CACNA1S: variants seen among roughly 807,000 people sequenced by gnomAD.
CACNA1S encodes calcium voltage-gated channel subunit alpha1 S.
CACNA1S carries 126 observed loss-of-function variants against 207.4 expected under a neutral mutation model. That is an observed-to-expected ratio of 0.61 (90% CI 0.53 to 0.70). CACNA1S has a LOEUF of 0.70. Ranked by LOEUF, CACNA1S falls within the 30% of genes least tolerant of loss-of-function variation. The pLI is 0.00. For missense variants in CACNA1S, 2,349 were observed against 2,422.8 expected, an observed-to-expected ratio of 0.97 and a Z score of 0.64; for synonymous variants, 960 against 932.7, an observed-to-expected ratio of 1.03 and a Z score of -0.53.
At chr1:201,057,215 A>G (rs373505433) in intron 28 of CACNA1S, among the ~76,000 whole-genome samples, 40 of 150,696 alleles carry the variant, frequency 2.7e-4, no homozygotes, top group African/African-American at 9.8e-4. Context: ...CATCTCCACC[A>G]CTCTCTCCTC....
At chr1:201,098,087 A>G (rs1662503739) in intron 2 of CACNA1S, among the ~76,000 whole-genome samples, 1 of 152,158 alleles carries the variant, frequency 6.6e-6, no homozygotes, top group Non-Finnish European at 1.5e-5. Flanking sequence ...GACTCGCTAT[A>G]TATTTGTTAA....
In CACNA1S at chr1:201,109,071, A is replaced by G. The variant is rs187822632; in HGVS notation, c.258+1093T>C. Reference sequence around the variant, plus strand: ...GAGGCCAGCCTGGCCAACATGGCGAAACCCCATCTCAACTAAAAATATGAA... The same window carrying G: ...GAGGCCAGCCTGGCCAACATGGCGAGACCCCATCTCAACTAAAAATATGAA... On this transcript the variant is annotated intron_variant, in intron 2 of 43. Coordinates refer to ENST00000362061, the MANE Select transcript of CACNA1S (RefSeq NM_000069.3). Among the ~76,000 whole-genome samples the G allele has an allele frequency of 2.6e-5, 4 of 152,296 alleles. No individual in the cohort carries two copies. The East Asian group carries it at 7.7e-4, about 29-fold the overall frequency.
In CACNA1S at chr1:201,061,431, C is replaced by G. The variant is rs777328046; in HGVS notation, c.3091G>C (p.Val1031Leu). The change falls in exon 25 of 44, where the codon GTG becomes CTG. Residue 1031 changes from valine to leucine, a missense_variant. Transcript: ENST00000362061. Reference protein sequence around the residue: ...YKAIDSNAEDVGPIYNNRVEM... With the variant: ...YKAIDSNAEDLGPIYNNRVEM... ...ACACGGTTGTTGTAGATGGGACCCA[C>G]GTCCTCCGCATTGGAGTCTATGGCC... The G allele has an allele frequency of 4.3e-6, 7 of 1,614,206 alleles. No homozygotes were observed.
chr1:201,047,362 C>T, intron 37 of CACNA1S, 123 bp from the exon 38 acceptor site: 4 of 1,399,792 alleles, frequency 2.9e-6, no homozygotes, highest in Non-Finnish European at 4.0e-6. Flanking sequence ...CTGACTTGGT[C>T]ACTGGGCACT....
chr1:201,078,303 C>A (rs1661708263), intron 10 of CACNA1S, among the ~76,000 whole-genome samples, 199 bp from the exon 11 acceptor site: 1 of 152,082 alleles, frequency 6.6e-6, no homozygotes, highest in Non-Finnish European at 1.5e-5. Context: ...CACACTGCAG[C>A]CTCGACTTCC....
intron 33 of CACNA1S, 81 bp downstream of exon 33, chr1:201,050,903 G>T (rs937912913): frequency 1.2e-4 from 167 of 1,448,288 alleles, no homozygotes; most frequent in Non-Finnish European, 1.4e-4. Flanking sequence ...GTGGAAACTG[G>T]CCAGGAAGGG....
chr1:201,040,401 C>A (rs760050313), intron 42 of CACNA1S, 27 bp from the exon 43 acceptor site: 8 of 1,610,828 alleles, frequency 5.0e-6, no homozygotes, highest in Non-Finnish European at 6.8e-6. Flanking sequence ...AAAGCAAAGA[C>A]CCCGACAGGG....
rs750152609 is a variant in CACNA1S, at chr1:201,066,344, G to A, written c.2658-28C>T. 6.3e-7 allele frequency: 1 copy of A among 1,589,298 alleles called. No homozygotes were observed. Among genetic ancestry groups the A allele is most frequent in the Non-Finnish European group, 8.6e-7 (1 of 1,165,726 alleles). ...GGGGGGCGGCAATGGTGAGGGGGCT[G>A]AGGGCAGCCTGCTCCAGCCAGCCCA... On this transcript the variant is annotated intron_variant, in intron 20 of 43. Coordinates refer to ENST00000362061, the MANE Select transcript of CACNA1S (RefSeq NM_000069.3). This position sits in a 1 kb window ranked among gnomAD's most constrained non-coding sequence, Gnocchi z 4.3.
chr1:201,053,659 G>C lies in CACNA1S; in HGVS notation c.3667-72C>G. ...AGGGGTAAGGGGCAGGGCGGGGAGG[G>C]AGGTGCACTGTGTGTTTTGGGGAGA... On this transcript the variant is annotated intron_variant, in intron 29 of 43. Coordinates refer to ENST00000362061, the MANE Select transcript of CACNA1S (RefSeq NM_000069.3). This position sits in a 1 kb window ranked among gnomAD's most constrained non-coding sequence, Gnocchi z 5.1. 1 of 1,461,804 alleles carries C rather than the reference G, an allele frequency of 6.8e-7. No individual in the cohort carries two copies. The highest frequency in any genetic ancestry group is 1.2e-5 in the South Asian group (1 of 86,940). 90.6% of individuals were successfully genotyped at this position (1,461,804 alleles called of 1,614,324 possible).
chr1:201,050,326 T>C lies in CACNA1S; in HGVS notation c.4241+63A>G. 2.5e-6 allele frequency: 4 copies of C among 1,583,410 alleles called. No homozygotes were observed. The South Asian group carries it at 4.4e-5, about 18-fold the overall frequency. ...CTGAATAAACTGGAGAGTGACTCCC[T>C]GTGAGACGGTAGGAAGGGTCTAGGA... On this transcript the variant is annotated intron_variant, in intron 34 of 43. Transcript: ENST00000362061.
chr1:201,096,341 G>A (rs568475143), intron 2 of CACNA1S, among the ~76,000 whole-genome samples: 1 of 152,338 alleles, frequency 6.6e-6, no homozygotes, highest in African/African-American at 2.4e-5. Flanking sequence ...GAGGGAAAAG[G>A]GATGTGTCCC....
chr1:201,058,140 C>A (rs1290149050), intron 28 of CACNA1S, among the ~76,000 whole-genome samples: 9 of 152,340 alleles, frequency 5.9e-5, no homozygotes, highest in Non-Finnish European at 1.5e-5. Context: ...CTCTGACCAC[C>A]CCACCCAGAG....
intron 2 of CACNA1S, among the ~76,000 whole-genome samples, chr1:201,100,733 C>A (rs1252597644): frequency 1.3e-5 from 2 of 152,114 alleles, no homozygotes; most frequent in East Asian, 1.9e-4. Flanking sequence ...GAAAGGGAGA[C>A]CAGTGCTGTC....
intron 4 of CACNA1S, 81 bp downstream of exon 4, chr1:201,091,891 G>T (rs1199447555): frequency 3.7e-6 from 6 of 1,604,808 alleles, no homozygotes; most frequent in Non-Finnish European, 5.1e-6. Context: ...AGATGTCAAG[G>T]TAGGAAGGGG....
Position 201,049,072 on chromosome 1 carries a change from C to T in CACNA1S, c.4269G>A (p.Val1423=). ...AKGRIKHLDV[V]TLLRRIQPPL... is the part of the protein sequence containing the mutation. Reference sequence around the variant, plus strand: ...GGGGCTGAATCCTTCTCAGCAGGGTCACCACGTCCAGGTGTTTGATTCTCC... The same window carrying T: ...GGGGCTGAATCCTTCTCAGCAGGGTTACCACGTCCAGGTGTTTGATTCTCC... Residue 1423 remains valine (V), a synonymous_variant, in exon 35 of 44, where the codon GTG becomes GTA. Transcript: ENST00000362061. 1.2e-6 allele frequency: 2 copies of T among 1,613,468 alleles called. No homozygotes were observed. Among genetic ancestry groups the T allele is most frequent in the Non-Finnish European group, 1.7e-6 (2 of 1,179,780 alleles).
At chr1:201,106,592 C>T (rs189286682) in intron 2 of CACNA1S, among the ~76,000 whole-genome samples, 68 of 152,326 alleles carry the variant, frequency 4.5e-4, no homozygotes, top group Admixed American at 1.4e-3. Context: ...AAGCTTTTCC[C>T]TTTCTTTCAG....
chr1:201,092,224 G>T, intron 3 of CACNA1S, 110 bp from the exon 4 acceptor site: 1 of 1,146,454 alleles, frequency 8.7e-7, no homozygotes, highest in South Asian at 1.3e-5. Flanking sequence ...GAAAGGCCTA[G>T]GGGAGAGACG....
At chr1:201,041,182 C>G (rs1297962785) in intron 41 of CACNA1S, among the ~76,000 whole-genome samples, 1 of 152,160 alleles carries the variant, frequency 6.6e-6, no homozygotes, top group Non-Finnish European at 1.5e-5. Flanking sequence ...TTCCAGGGAC[C>G]TGGGGCGGTG....
At chr1:201,109,184 G>T (rs1473715379) in intron 2 of CACNA1S, among the ~76,000 whole-genome samples, 3 of 148,240 alleles carry the variant, frequency 2.0e-5, no homozygotes, top group Non-Finnish European at 3.0e-5. Context: ...GGAGGCGGAG[G>T]TTGCAGTGAG....
Sources: allele counts gnomAD v4.1 joint callset (sites outside exome capture counted in the v4.1 genomes callset), GRCh38; gene constraint gnomAD v4.1.1; non-coding constraint Gnocchi (gnomAD v3.1); transcripts MANE v1.5; gene names NCBI Gene and HGNC (gene_info 2026-07-23, HGNC 2026-07-21).